The following SRBD1 variants were observed in gnomAD, a reference collection of about 807,000 sequenced individuals.
The protein encoded by SRBD1 is S1 RNA-binding domain-containing protein 1.
A neutral mutation model predicts 115.3 loss-of-function variants in SRBD1; 88 were observed. The ratio of observed to expected loss-of-function variants is 0.76; its 90% CI spans 0.64 to 0.91. SRBD1 has a LOEUF of 0.91. SRBD1 is among the 40% of genes least tolerant of loss of function. The pLI, the probability that SRBD1 is intolerant of heterozygous loss-of-function variation, is 0.00. For synonymous variants in SRBD1, 509 were observed against 407.7 expected (o/e 1.25, Z -2.99); for missense variants, 1,385 against 1,177.4 (o/e 1.18, Z -2.58).
At chr2:45,492,745 A>AT (rs111283453) in intron 14 of SRBD1, among the ~76,000 whole-genome samples, 2,570 of 148,568 alleles carry the variant, frequency 0.017, 63 homozygotes, top group African/African-American at 0.051. Context: ...AGCCAAAACT[A>AT]TTTTTTTTTT....
chr2:45,467,936 G>T (rs13400867), intron 16 of SRBD1, among the ~76,000 whole-genome samples: 24,852 of 151,950 alleles, frequency 0.16, 2,702 homozygotes, highest in African/African-American at 0.31. Flanking sequence ...CCTGCATCTT[G>T]TTAAAAAATT....
intron 7 of SRBD1, among the ~76,000 whole-genome samples, chr2:45,577,205 C>T (rs1173314102): frequency 6.6e-6 from 1 of 152,138 alleles, no homozygotes; most frequent in Non-Finnish European, 1.5e-5. Context: ...AATTACATTC[C>T]CCTTCTCAGT....
At chr2:45,545,716 G>A (rs1253709956) in intron 14 of SRBD1, among the ~76,000 whole-genome samples, 2 of 152,182 alleles carry the variant, frequency 1.3e-5, no homozygotes, top group Non-Finnish European at 2.9e-5. Context: ...GTTTCAATCT[G>A]TTTCCTTCTT....
At chr2:45,418,317 A>G in intron 18 of SRBD1, 48 bp downstream of exon 18, 1 of 1,589,212 alleles carries the variant, frequency 6.3e-7, no homozygotes, top group African/African-American at 1.4e-5. Context: ...GGTAACAGTA[A>G]CAAGAGAGGA....
rs1004271111 is a variant in SRBD1, at chr2:45,413,247, A to G, written c.2380T>C (p.Ser794Pro). 1.2e-6 allele frequency: 2 copies of G among 1,613,954 alleles called. No homozygotes were observed. The highest frequency in any genetic ancestry group is 1.7e-6 in the Non-Finnish European group (2 of 1,179,994). ...SGQIQGVAVT[S>P]SADVEVTNEK... ...TTTGTGACCTCAACGTCTGCTGAAGATGTCACAGCAACTCCTTGAATTTGG... is the reference window on the plus strand; with the variant it reads ...TTTGTGACCTCAACGTCTGCTGAAGGTGTCACAGCAACTCCTTGAATTTGG... The change falls in exon 19 of 21, where the codon TCT (serine) becomes CCT (proline). Residue 794 changes from serine to proline, a missense_variant. Physicochemically the swap from Ser to Pro is moderately conservative, Grantham distance 74 (BLOSUM62 -1). Transcript: ENST00000263736.
At chr2:45,553,942 G>C (rs1672389204) in intron 10 of SRBD1, among the ~76,000 whole-genome samples, 1 of 152,086 alleles carries the variant, frequency 6.6e-6, no homozygotes, top group African/African-American at 2.4e-5. Context: ...ACTATCTATG[G>C]TCAGATATAA....
Position 45,419,911 on chromosome 2 carries a change from CA to C in SRBD1, c.2050-18del. 6.3e-7 allele frequency: 1 copy of C among 1,598,524 alleles called. No individual in the cohort carries two copies. Among genetic ancestry groups the C allele is most frequent in the Non-Finnish European group, 8.6e-7 (1 of 1,168,744 alleles). ...TACGTCATGCTGAAAAGACAAAGAT[CA>C]AATATTAACAGTGAAGGAGATGTAG... On this transcript the variant is annotated intron_variant, in intron 16 of 20. Transcript: ENST00000263736.
chr2:45,581,290 G>C (rs1340859627), intron 6 of SRBD1, among the ~76,000 whole-genome samples: 4 of 151,966 alleles, frequency 2.6e-5, no homozygotes, highest in Non-Finnish European at 4.4e-5. Context: ...TCAAAAGGTG[G>C]TAACCTCCAG....
chr2:45,465,496 C>G (rs929998558), intron 16 of SRBD1, among the ~76,000 whole-genome samples: 6 of 152,036 alleles, frequency 3.9e-5, no homozygotes, highest in Admixed American at 3.9e-4. Context: ...CAAGAAAACA[C>G]CATGGTCCCT....
intron 16 of SRBD1, among the ~76,000 whole-genome samples, chr2:45,432,234 G>A (rs1668363231): frequency 6.6e-6 from 1 of 151,964 alleles, no homozygotes; most frequent in Admixed American, 6.6e-5. Context: ...TCTCCATATT[G>A]GTCAGGCTGG....
At chr2:45,517,097 A>C (rs906557777) in intron 14 of SRBD1, among the ~76,000 whole-genome samples, 1 of 152,220 alleles carries the variant, frequency 6.6e-6, no homozygotes, top group African/African-American at 2.4e-5. Flanking sequence ...GCTCTTCAGA[A>C]GGGTTGTACT....
chr2:45,396,919 G>A (rs565144780), intron 19 of SRBD1, among the ~76,000 whole-genome samples: 1 of 152,012 alleles, frequency 6.6e-6, no homozygotes, highest in African/African-American at 2.4e-5. Context: ...ATATTAGTAC[G>A]TGCTTTGTGG....
At chr2:45,498,972 C>G (rs867396240) in intron 14 of SRBD1, among the ~76,000 whole-genome samples, 1 of 152,286 alleles carries the variant, frequency 6.6e-6, no homozygotes, top group African/African-American at 2.4e-5. Context: ...TACGATACCT[C>G]TTCAATATAC....
intron 14 of SRBD1, among the ~76,000 whole-genome samples, chr2:45,521,286 A>AACACACAC (rs71394840): frequency 0.12 from 17,917 of 146,180 alleles, 1,311 homozygotes; most frequent in Admixed American, 0.19. Context: ...CAAAAAGGAA[A>AACACACAC]ACACACACAC....
intron 16 of SRBD1, among the ~76,000 whole-genome samples, chr2:45,462,586 T>G (rs1377195186): frequency 6.6e-6 from 1 of 151,058 alleles, no homozygotes; most frequent in Non-Finnish European, 1.5e-5. Context: ...ATCAGCAGAG[T>G]TAAAAGTACA....
chr2:45,607,068 A>G (rs1420887395), intron 1 of SRBD1, among the ~76,000 whole-genome samples: 1 of 152,246 alleles, frequency 6.6e-6, no homozygotes, highest in East Asian at 1.9e-4. Flanking sequence ...ACAGGAAAGC[A>G]GTCTGCAGGA....
At chr2:45,524,564 A>G (rs947885760) in intron 14 of SRBD1, among the ~76,000 whole-genome samples, 4 of 152,040 alleles carry the variant, frequency 2.6e-5, no homozygotes, top group Admixed American at 2.6e-4. Context: ...GAACAACAAA[A>G]TATTTAGGAA....
At chr2:45,596,611 G>A (rs1268676478) in intron 4 of SRBD1, among the ~76,000 whole-genome samples, 1 of 152,040 alleles carries the variant, frequency 6.6e-6, no homozygotes, top group Non-Finnish European at 1.5e-5. Flanking sequence ...TATCCATAAA[G>A]GATTTTTTGA....
At chr2:45,414,292 C>G (rs1348645644) in intron 18 of SRBD1, among the ~76,000 whole-genome samples, 2 of 151,954 alleles carry the variant, frequency 1.3e-5, no homozygotes, top group Non-Finnish European at 2.9e-5. Flanking sequence ...TTAATTCTAG[C>G]AAAAACCAAT....
Sources: allele counts gnomAD v4.1 joint callset (sites outside exome capture counted in the v4.1 genomes callset), GRCh38; gene constraint gnomAD v4.1.1; transcripts MANE v1.5; gene names NCBI Gene and HGNC (gene_info 2026-07-23, HGNC 2026-07-21).